Variants in OXR1 observed in about 807,000 individuals in gnomAD.
OXR1 encodes oxidation resistance protein 1.
OXR1 carries 41 observed loss-of-function variants against 104.6 expected under a neutral mutation model. The observed-to-expected ratio is 0.39, with a 90% CI of 0.31 to 0.51. OXR1 has a LOEUF of 0.51. Among genes scored for constraint, OXR1 ranks in the 20% least tolerant of loss-of-function variants. The pLI, the probability that OXR1 is intolerant of heterozygous loss-of-function variation, is 0.77. For synonymous variants in OXR1, 348 were observed against 348.4 expected (o/e 1.00, Z 0.01); for missense variants, 955 against 1,031.9 (o/e 0.93, Z 1.02).
At chr8:106,442,344 G>A (rs866958239) in intron 2 of OXR1, among the ~76,000 whole-genome samples, 6 of 152,084 alleles carry the variant, frequency 3.9e-5, no homozygotes, top group African/African-American at 4.8e-5. Context: ...TTTTCGCATC[G>A]ATATTCATCA....
chr8:106,607,908 G>A (rs1340148385), intron 3 of OXR1, among the ~76,000 whole-genome samples: 2 of 151,526 alleles, frequency 1.3e-5, no homozygotes, highest in Admixed American at 1.3e-4. Flanking sequence ...GTTCAGACTC[G>A]GCTGTGTCTT....
chr8:106,531,273 A>C (rs1452121311), intron 3 of OXR1, among the ~76,000 whole-genome samples: 1 of 152,200 alleles, frequency 6.6e-6, no homozygotes, highest in East Asian at 1.9e-4. Flanking sequence ...ATGTAACATA[A>C]ACTCTTAATG....
intron 9 of OXR1, 71 bp downstream of exon 9, chr8:106,707,216 A>G: frequency 3.5e-6 from 5 of 1,443,134 alleles, no homozygotes; most frequent in Non-Finnish European, 4.8e-6. Flanking sequence ...TCACTGACTC[A>G]AAAGCCGCTG....
chr8:106,672,001 TAATAAA>T (rs760906483), intron 3 of OXR1, among the ~76,000 whole-genome samples: 2,329 of 144,396 alleles, frequency 0.016, 38 homozygotes, highest in East Asian at 0.09. Context: ...ATAATAATAA[TAATAAA>T]AGGCTGTGAG....
At chr8:106,746,728 A>G (rs1431104635) in intron 16 of OXR1, among the ~76,000 whole-genome samples, 1 of 152,170 alleles carries the variant, frequency 6.6e-6, no homozygotes, top group Non-Finnish European at 1.5e-5. Context: ...TGGTTATTGT[A>G]GCCTTCTCTG....
At chr8:106,710,113 C>T (rs188628303) in intron 9 of OXR1, among the ~76,000 whole-genome samples, 1 of 152,230 alleles carries the variant, frequency 6.6e-6, no homozygotes, top group East Asian at 1.9e-4. Flanking sequence ...ACTGTCCAAA[C>T]AGGTGGCAGA....
chr8:106,660,026 C>T (rs984009201), intron 3 of OXR1, among the ~76,000 whole-genome samples: 1 of 152,204 alleles, frequency 6.6e-6, no homozygotes, highest in Non-Finnish European at 1.5e-5. Context: ...TGGGCAGGTA[C>T]GTCCTAGCAT....
chr8:106,695,352 T>C (rs558701164), intron 7 of OXR1, among the ~76,000 whole-genome samples: 4 of 152,070 alleles, frequency 2.6e-5, no homozygotes, highest in South Asian at 2.1e-4. Context: ...CAGTGTTTAT[T>C]TGCCTTGAAA....
rs573993775 is a variant in OXR1 at position 106,642,949 on chromosome 8, G to A, written c.221-36261G>A. On this transcript the variant is annotated intron_variant, in intron 3 of 16. Coordinates refer to ENST00000517566, the MANE Select transcript of OXR1 (RefSeq NM_001198533.2). ...GAGTTCTGGGTGATGGTAGCATTTA[G>A]TGGATTCATACTTCTTTAGATTAAT... is the stretch of plus-strand genomic sequence containing the variant. Among the ~76,000 whole-genome samples the A allele has an allele frequency of 7.2e-5, 11 of 152,308 alleles. No homozygotes were observed. In the East Asian group the frequency reaches 2.1e-3, roughly 29 times the overall value.
At chr8:106,589,084 C>A (rs1818875297) in intron 3 of OXR1, among the ~76,000 whole-genome samples, 2 of 151,966 alleles carry the variant, frequency 1.3e-5, no homozygotes, top group African/African-American at 4.8e-5. Flanking sequence ...ACTTTTGGGG[C>A]AGAAAGCCGA....
At chr8:106,318,990 T>G (rs966621701) in intron 1 of OXR1, among the ~76,000 whole-genome samples, 7 of 152,240 alleles carry the variant, frequency 4.6e-5, no homozygotes, top group African/African-American at 1.7e-4. Context: ...ATGGACTATT[T>G]GAATAGTTGA....
At chr8:106,733,815 G>A (rs1410710647) in intron 11 of OXR1, among the ~76,000 whole-genome samples, 1 of 117,146 alleles carries the variant, frequency 8.5e-6, no homozygotes, top group Non-Finnish European at 1.6e-5. Flanking sequence ...GACAGAGGGA[G>A]ACTCCGTCTC....
intron 2 of OXR1, among the ~76,000 whole-genome samples, chr8:106,464,139 C>G (rs1423753905): frequency 6.6e-6 from 1 of 152,012 alleles, no homozygotes; most frequent in East Asian, 1.9e-4. Flanking sequence ...CTTATTGTAG[C>G]CTAGTGACCT....
intron 2 of OXR1, among the ~76,000 whole-genome samples, chr8:106,505,053 C>G (rs1252164469): frequency 6.6e-6 from 1 of 152,172 alleles, no homozygotes; most frequent in African/African-American, 2.4e-5. Context: ...TGTATTCAGT[C>G]ATAATTTTCA....
At chr8:106,281,807 A>T in intron 1 of OXR1, among the ~76,000 whole-genome samples, 1 of 150,656 alleles carries the variant, frequency 6.6e-6, no homozygotes, top group South Asian at 2.1e-4. Flanking sequence ...CTCAAAAAAA[A>T]AAAAAAAAAA....
rs192229921 is a variant in OXR1 at position 106,601,239 on chromosome 8, G to A, written c.221-77971G>A. On this transcript the variant is annotated intron_variant, in intron 3 of 16. Transcript: ENST00000517566. ...ATTATGCAAGAGACCATTACCCAGA[G>A]ACAAGTCTGGTGTAGGATGGGAGGT... is the stretch of plus-strand genomic sequence containing the variant. 3.2e-4 allele frequency among the ~76,000 whole-genome samples: 49 copies of A among 152,342 alleles called. No individual in the cohort carries two copies. In the East Asian group the frequency reaches 9.1e-3, roughly 28 times the overall value.
At chr8:106,705,826 G>A (rs1008134518) in intron 8 of OXR1, among the ~76,000 whole-genome samples, 2 of 152,076 alleles carry the variant, frequency 1.3e-5, no homozygotes, top group Non-Finnish European at 2.9e-5. Context: ...TTGTTAGCCT[G>A]AAGATTTTCT....
chr8:106,670,274 A>C (rs1457849254), intron 3 of OXR1, among the ~76,000 whole-genome samples: 4 of 152,288 alleles, frequency 2.6e-5, no homozygotes, highest in South Asian at 2.1e-4. Context: ...AAATTATCAA[A>C]ATTTCTGTAA....
At chr8:106,304,850 G>T (rs1451240004) in intron 1 of OXR1, among the ~76,000 whole-genome samples, 1 of 152,024 alleles carries the variant, frequency 6.6e-6, no homozygotes, top group Non-Finnish European at 1.5e-5. Flanking sequence ...TAGTTTCATG[G>T]TTAATTGGCG....
Sources: gnomAD v4.1 joint callset for allele counts (sites outside exome capture counted in the v4.1 genomes callset) on GRCh38, gnomAD v4.1.1 for gene constraint, MANE v1.5 for transcripts, NCBI Gene and HGNC (gene_info 2026-07-23, HGNC 2026-07-21) for gene names.